The following CDK6 variants were observed in gnomAD, a reference collection of about 807,000 sequenced individuals.
CDK6 encodes cyclin dependent kinase 6.
Under a neutral mutation model 37.1 loss-of-function variants are expected in CDK6, and 6 were observed. The ratio of observed to expected loss-of-function variants is 0.16; its 90% CI spans 0.09 to 0.32. CDK6 has a LOEUF of 0.32. CDK6 is among the 10% of genes least tolerant of loss of function. The pLI is 1.00. For missense variants in CDK6, 224 were observed against 418.9 expected, an observed-to-expected ratio of 0.53 and a Z score of 4.06; for synonymous variants, 160 against 161.3, an observed-to-expected ratio of 0.99 and a Z score of 0.06.
chr7:92,664,134 C>G (rs1465508619), intron 5 of CDK6, among the ~76,000 whole-genome samples: 1 of 151,264 alleles, frequency 6.6e-6, no homozygotes, highest in Non-Finnish European at 1.5e-5. Context: ...GAGCGAGACT[C>G]TGCCTCAAAA....
intron 5 of CDK6, among the ~76,000 whole-genome samples, chr7:92,635,417 G>A (rs1407853788): frequency 6.6e-6 from 1 of 152,180 alleles, no homozygotes; most frequent in African/African-American, 2.4e-5. Flanking sequence ...CCAGAGTGCA[G>A]GCAGGCCACT....
chr7:92,760,791 T>C (rs1799435889), intron 3 of CDK6, among the ~76,000 whole-genome samples: 4 of 152,178 alleles, frequency 2.6e-5, no homozygotes, highest in African/African-American at 9.6e-5. Context: ...TATATATGTA[T>C]TTCTTTAGGC....
In CDK6 at chr7:92,618,292, T is replaced by C; in HGVS notation, c.699-85A>G. 4 of 1,407,720 alleles carry C rather than the reference T, an allele frequency of 2.8e-6. No homozygotes were observed. The South Asian group carries it at 3.8e-5, about 13-fold the overall frequency. 87.2% of individuals were successfully genotyped at this position (1,407,720 alleles called of 1,614,324 possible). On this transcript the variant is annotated intron_variant, in intron 6 of 7. Transcript: ENST00000424848. ...TCAATTTCCAGAGAAAGGCAAAATC[T>C]AAGGGGGAGACATGGGGGGCAGAGT...
chr7:92,817,165 G>A (rs1287973407), intron 2 of CDK6, among the ~76,000 whole-genome samples: 2 of 151,772 alleles, frequency 1.3e-5, no homozygotes, highest in South Asian at 2.1e-4. Context: ...AAATAGAAGA[G>A]GAAGAAACAC....
intron 4 of CDK6, among the ~76,000 whole-genome samples, chr7:92,718,464 C>T (rs1243430828): frequency 2.0e-5 from 3 of 152,118 alleles, no homozygotes; most frequent in East Asian, 3.9e-4. Flanking sequence ...ACAACACGCA[C>T]GAAGAGGAAA....
intron 7 of CDK6, among the ~76,000 whole-genome samples, chr7:92,617,320 G>A (rs541638215): frequency 1.3e-5 from 2 of 152,252 alleles, no homozygotes; most frequent in East Asian, 1.9e-4. Context: ...CATGCCCCAG[G>A]GAGCTGCTGC....
chr7:92,789,925 T>A (rs570332913), intron 2 of CDK6, among the ~76,000 whole-genome samples: 26 of 152,254 alleles, frequency 1.7e-4, no homozygotes, highest in African/African-American at 6.3e-4. Context: ...GGACCTTCAA[T>A]ATCAAGATCT....
At chr7:92,741,524 T>G (rs1226313053) in intron 3 of CDK6, among the ~76,000 whole-genome samples, 1 of 152,188 alleles carries the variant, frequency 6.6e-6, no homozygotes, top group Non-Finnish European at 1.5e-5. Flanking sequence ...GAAAGAGATA[T>G]AGCTACAGTT....
At chr7:92,832,274 C>T (rs1801505908) in intron 2 of CDK6, among the ~76,000 whole-genome samples, 2 of 152,212 alleles carry the variant, frequency 1.3e-5, no homozygotes, top group Admixed American at 6.5e-5. Flanking sequence ...GGTTACCACA[C>T]AGGAGAGAGT....
intron 5 of CDK6, among the ~76,000 whole-genome samples, chr7:92,646,443 G>A (rs1181098652): frequency 1.3e-5 from 2 of 149,506 alleles, no homozygotes; most frequent in African/African-American, 4.9e-5. Flanking sequence ...TGTCACCCAG[G>A]CCAGAGTGCA....
chr7:92,733,993 T>C (rs1171209836), intron 3 of CDK6, among the ~76,000 whole-genome samples: 1 of 152,216 alleles, frequency 6.6e-6, no homozygotes, highest in East Asian at 1.9e-4. Flanking sequence ...CCATCGTGTC[T>C]GGCATTCTTG....
chr7:92,754,156 T>C (rs1476858819), intron 3 of CDK6, among the ~76,000 whole-genome samples: 1 of 152,184 alleles, frequency 6.6e-6, no homozygotes, highest in Non-Finnish European at 1.5e-5. Context: ...ATTATCCTAA[T>C]GGTTGCTTCT....
At chr7:92,650,677 G>A (rs1177697720) in intron 5 of CDK6, among the ~76,000 whole-genome samples, 2 of 152,114 alleles carry the variant, frequency 1.3e-5, no homozygotes, top group African/African-American at 2.4e-5. Context: ...AATCTCATAC[G>A]TGATTGTTGG....
At chr7:92,694,245 A>G (rs914437938) in intron 4 of CDK6, among the ~76,000 whole-genome samples, 1 of 152,180 alleles carries the variant, frequency 6.6e-6, no homozygotes, top group Non-Finnish European at 1.5e-5. Context: ...ACTTTGCAAA[A>G]AAGTAATTTT....
rs1795396200 is a variant in CDK6, at chr7:92,605,088, A to G, written c.*10052T>C. The G allele has an allele frequency of 4.3e-6, 1 of 231,724 alleles. No homozygotes were observed. Among genetic ancestry groups the G allele is most frequent in the Non-Finnish European group, 8.5e-6 (1 of 117,170 alleles). 14.4% of individuals were successfully genotyped at this position (231,724 alleles called of 1,614,324 possible). ...TACCAATATTTTTATTGTAAGAAAT[A>G]CAAAAGGTATTACAAATATACAAAC... On this transcript the variant is annotated 3_prime_UTR_variant, in exon 8 of 8. Coordinates refer to ENST00000424848, the MANE Select transcript of CDK6 (RefSeq NM_001145306.2).
intron 2 of CDK6, among the ~76,000 whole-genome samples, chr7:92,811,339 C>T (rs892680533): frequency 3.9e-5 from 6 of 152,048 alleles, no homozygotes; most frequent in African/African-American, 9.7e-5. Context: ...AGGCAAACAT[C>T]GTTTTAGTCC....
intron 3 of CDK6, among the ~76,000 whole-genome samples, chr7:92,753,946 T>C (rs376407339): frequency 1.1e-4 from 17 of 152,284 alleles, no homozygotes; most frequent in Admixed American, 2.6e-4. Context: ...TGTGAGATCA[T>C]AGACAAGTCC....
chr7:92,791,920 A>G (rs965375098), intron 2 of CDK6, among the ~76,000 whole-genome samples: 1 of 152,168 alleles, frequency 6.6e-6, no homozygotes, highest in African/African-American at 2.4e-5. Flanking sequence ...CAGAAGTGAA[A>G]TTATGAGAGT....
Position 92,606,776 on chromosome 7 carries a change from C to G in CDK6, c.*8364G>C, listed in dbSNP as rs1370934568. 1 of 232,980 alleles carries G rather than the reference C, an allele frequency of 4.3e-6. No individual in the cohort carries two copies. Among genetic ancestry groups the G allele is most frequent in the Non-Finnish European group, 8.5e-6 (1 of 117,970 alleles). The allele number at this position is 232,980 out of a possible 1,614,324, so 14.4% of individuals were successfully genotyped here. ...AATGCAGAAACACTAATACATTTTACAGTGAAAACCTACTTTAACACATCT... is the reference window on the plus strand; with the variant it reads ...AATGCAGAAACACTAATACATTTTAGAGTGAAAACCTACTTTAACACATCT... On this transcript the variant is annotated 3_prime_UTR_variant, in exon 8 of 8. Transcript: ENST00000424848.
Sources: allele counts gnomAD v4.1 joint callset (sites outside exome capture counted in the v4.1 genomes callset), GRCh38; gene constraint gnomAD v4.1.1; transcripts MANE v1.5; gene names NCBI Gene and HGNC (gene_info 2026-07-23, HGNC 2026-07-21).